Variants in SUPV3L1 observed in about 807,000 individuals in gnomAD.
The protein encoded by SUPV3L1 is Suv3 like RNA helicase.
SUPV3L1 carries 35 observed loss-of-function variants against 70.0 expected under a neutral mutation model. The ratio of observed to expected loss-of-function variants is 0.50; its 90% CI spans 0.38 to 0.66. The LOEUF is 0.66. SUPV3L1 is among the 30% of genes least tolerant of loss of function. SUPV3L1 has a pLI of 0.00. For synonymous variants in SUPV3L1, 364 were observed against 341.9 expected, an observed-to-expected ratio of 1.06 and a Z score of -0.71; for missense variants, 777 against 961.5, an observed-to-expected ratio of 0.81 and a Z score of 2.54.
chr10:69,204,246 C>G (rs933405474), intron 13 of SUPV3L1, among the ~76,000 whole-genome samples: 2 of 152,118 alleles, frequency 1.3e-5, no homozygotes, highest in Admixed American at 1.3e-4. Context: ...AACATGTTCT[C>G]TCACCTCCCG....
intron 1 of SUPV3L1, 152 bp from the exon 2 acceptor site, chr10:69,185,835 T>C (rs1842209891): frequency 7.1e-6 from 5 of 707,776 alleles, no homozygotes; most frequent in Admixed American, 4.7e-5. Flanking sequence ...CCATCGCATA[T>C]GAATTCATAA....
chr10:69,191,687 G>A lies in SUPV3L1; in HGVS notation c.774G>A (p.Glu258=), dbSNP rs139363990. The A allele has an allele frequency of 6.8e-6, 11 of 1,614,100 alleles. No individual in the cohort carries two copies. The highest frequency in any genetic ancestry group is 8.5e-6 in the Non-Finnish European group (10 of 1,180,020). ...CATGTGACTTGGTGACAGGTGAAGAGCGTGTGACAGTTCAGCCAAATGGGA... is the reference window on the plus strand; with the variant it reads ...CATGTGACTTGGTGACAGGTGAAGAACGTGTGACAGTTCAGCCAAATGGGA... ...GVPCDLVTGE[E]RVTVQPNGKQ... The change falls in exon 6 of 15, where the codon GAG becomes GAA. Residue 258 remains glutamate (E), a synonymous_variant. Coordinates refer to ENST00000359655, the MANE Select transcript of SUPV3L1 (RefSeq NM_003171.5).
In SUPV3L1 at chr10:69,209,088, T is replaced by G; in HGVS notation, c.*53T>G. 6.8e-7 allele frequency: 1 copy of G among 1,466,748 alleles called. No homozygotes were observed. The highest frequency in any genetic ancestry group is 9.0e-7 in the Non-Finnish European group (1 of 1,110,638). The allele number at this position is 1,466,748 out of a possible 1,614,324, so 90.9% of individuals were successfully genotyped here. ...TTTAATTTTGCAAATAAAAATTTAT[T>G]TTGAATCCTTTTTCCTCATATGCAT... On this transcript the variant is annotated 3_prime_UTR_variant, in exon 15 of 15. Transcript: ENST00000359655.
At chr10:69,193,780 T>C (rs1842464484) in intron 6 of SUPV3L1, among the ~76,000 whole-genome samples, 1 of 152,242 alleles carries the variant, frequency 6.6e-6, no homozygotes, top group Admixed American at 6.5e-5. Context: ...CTAAGTGTCA[T>C]TGTATTTTTA....
At chr10:69,205,519 T>G (rs1042818344) in intron 13 of SUPV3L1, among the ~76,000 whole-genome samples, 1 of 151,610 alleles carries the variant, frequency 6.6e-6, no homozygotes, top group Non-Finnish European at 1.5e-5. Flanking sequence ...GGACTACAGG[T>G]GTGCGCCATG....
At chr10:69,195,155 T>C in intron 6 of SUPV3L1, 33 bp from the exon 7 acceptor site, 1 of 1,541,680 alleles carries the variant, frequency 6.5e-7, no homozygotes, top group Non-Finnish European at 8.9e-7. Context: ...TTTAAGTAGA[T>C]GGTATTGCTC....
intron 3 of SUPV3L1, chr10:69,187,341 CTTTTTTTTTTTTTT>C (rs71471529): frequency 1.1e-4 from 9 of 80,996 alleles, no homozygotes; most frequent in South Asian, 6.0e-4. Flanking sequence ...TCTTTTCTTC[CTTTTTTTTTTTTTT>C]TTTTTTTTTT....
intron 6 of SUPV3L1, chr10:69,193,249 T>C (rs1484812935): frequency 2.6e-5 from 3 of 113,828 alleles, no homozygotes; most frequent in Non-Finnish European, 6.8e-5. Flanking sequence ...GGTGTGTATA[T>C]TAAACAAATA....
Position 69,199,137 on chromosome 10 carries a change from A to G in SUPV3L1, c.1238A>G (p.Asp413Gly), listed in dbSNP as rs1397518289. ...TKLAQAKKFN[D>G]PNDPCKILVA... Reference sequence around the variant, plus strand: ...CTTGCTCAAGCAAAAAAGTTTAATGATCCCAATGACCCATGCAAAATCTTG... The same window carrying G: ...CTTGCTCAAGCAAAAAAGTTTAATGGTCCCAATGACCCATGCAAAATCTTG... The change falls in exon 10 of 15, where the codon GAT becomes GGT. Residue 413 changes from aspartate to glycine, a missense_variant. By Grantham distance (94) the Asp-to-Gly change is moderately conservative (BLOSUM62 -1). This residue lies in a region of SUPV3L1 where 619 missense variants were observed against 823.3 expected (regional missense o/e 0.75). Transcript: ENST00000359655. The G allele has an allele frequency of 1.2e-6, 2 of 1,612,140 alleles. No homozygotes were observed. Among genetic ancestry groups the G allele is most frequent in the Non-Finnish European group, 1.7e-6 (2 of 1,179,442 alleles).
chr10:69,204,601 G>A (rs1506770), intron 13 of SUPV3L1, among the ~76,000 whole-genome samples: 115,136 of 151,880 alleles, frequency 0.76, 45,771 homozygotes, highest in Non-Finnish European at 0.89. Context: ...TACAAAATGA[G>A]AACATTACAG....
intron 5 of SUPV3L1, 41 bp downstream of exon 5, chr10:69,189,476 T>A: frequency 6.5e-7 from 1 of 1,540,126 alleles, no homozygotes. Context: ...TTTTCTTAAT[T>A]TTCTTTTTTG....
chr10:69,181,899 G>C (rs1057168056), intron 1 of SUPV3L1, among the ~76,000 whole-genome samples: 17 of 151,760 alleles, frequency 1.1e-4, no homozygotes, highest in Admixed American at 7.9e-4. Flanking sequence ...AGCAGAGAAT[G>C]TGTTATTTTA....
In SUPV3L1 at chr10:69,187,786, T is replaced by G. The variant is rs180700962; in HGVS notation, c.572+30T>G. On this transcript the variant is annotated intron_variant, in intron 4 of 14. Transcript: ENST00000359655. ...GTTTCTCCATTTGTGGATTTGAAAT[T>G]TTCAGTTTCTAATCTTGGATGATTC... The G allele has an allele frequency of 1.9e-4, 267 of 1,433,226 alleles. No homozygotes were observed. The African/African-American group carries it at 3.5e-3, about 19-fold the overall frequency. The allele number at this position is 1,433,226 out of a possible 1,614,324, so 88.8% of individuals were successfully genotyped here.
intron 8 of SUPV3L1, among the ~76,000 whole-genome samples, chr10:69,197,639 A>G (rs1297266996): frequency 7.9e-5 from 12 of 152,142 alleles, no homozygotes; most frequent in Non-Finnish European, 1.3e-4. Flanking sequence ...GTGCAATCAC[A>G]ACTCACTGCA....
rs1247968882 is a variant in SUPV3L1 at position 69,203,063 on chromosome 10, C to G, written c.1776+20C>G. 1.3e-6 allele frequency: 2 copies of G among 1,585,504 alleles called. No homozygotes were observed. Among genetic ancestry groups the G allele is most frequent in the Non-Finnish European group, 1.7e-6 (2 of 1,166,324 alleles). On this transcript the variant is annotated intron_variant, in intron 13 of 14. Coordinates refer to ENST00000359655, the MANE Select transcript of SUPV3L1 (RefSeq NM_003171.5). Reference sequence around the variant, plus strand: ...TTACAGGTAAGCCTTTATCTTTAAGCTATTTTGAGTTCCTTCTGGTTGATG... The same window carrying G: ...TTACAGGTAAGCCTTTATCTTTAAGGTATTTTGAGTTCCTTCTGGTTGATG...
chr10:69,182,752 T>C (rs1343020589), intron 1 of SUPV3L1: 2 of 861,512 alleles, frequency 2.3e-6, no homozygotes, highest in African/African-American at 3.7e-5. Context: ...GATGGTGCAT[T>C]ACTACACTCT....
chr10:69,207,783 T>C lies in SUPV3L1; in HGVS notation c.1777-10T>C. The C allele has an allele frequency of 6.2e-7, 1 of 1,609,018 alleles. No individual in the cohort carries two copies. Among genetic ancestry groups the C allele is most frequent in the South Asian group, 1.1e-5 (1 of 90,288 alleles). ...ACTTCTCTGAAACCCTTTTCCTCTTTCTCTCTCAGTTTGCCAGGCAGTATA... is the reference window on the plus strand; with the variant it reads ...ACTTCTCTGAAACCCTTTTCCTCTTCCTCTCTCAGTTTGCCAGGCAGTATA... On this transcript the variant is annotated splice_polypyrimidine_tract_variant and intron_variant, in intron 13 of 14. Transcript: ENST00000359655.
At chr10:69,197,915 A>G (rs567345923) in intron 8 of SUPV3L1, among the ~76,000 whole-genome samples, 4 of 152,266 alleles carry the variant, frequency 2.6e-5, no homozygotes, top group Admixed American at 6.5e-5. Flanking sequence ...TCAAGGAGAG[A>G]TAGTGGAATA....
chr10:69,205,439 A>G (rs1424859322), intron 13 of SUPV3L1, among the ~76,000 whole-genome samples: 2 of 152,216 alleles, frequency 1.3e-5, no homozygotes, highest in East Asian at 1.9e-4. Flanking sequence ...CAGTGGCACA[A>G]TCATAGCTCA....
Sources: allele counts gnomAD v4.1 joint callset (sites outside exome capture counted in the v4.1 genomes callset), GRCh38; gene constraint gnomAD v4.1.1; regional missense constraint gnomAD v4.1.1; transcripts MANE v1.5; gene names NCBI Gene and HGNC (gene_info 2026-07-23, HGNC 2026-07-21).